Variants in SYT9 observed in about 807,000 individuals in gnomAD.
SYT9 encodes synaptotagmin-9.
SYT9 carries 22 observed loss-of-function variants against 48.4 expected under a neutral mutation model. The observed-to-expected ratio is 0.45, with a 90% confidence interval of 0.32 to 0.65. The LOEUF is 0.65. Among genes scored for constraint, SYT9 ranks in the 30% least tolerant of loss-of-function variants. SYT9 has a pLI of 0.03. For missense variants in SYT9, 577 were observed against 622.0 expected, an observed-to-expected ratio of 0.93 and a Z score of 0.77; for synonymous variants, 265 against 245.0, an observed-to-expected ratio of 1.08 and a Z score of -0.76.
chr11:7,313,900 A>T lies in SYT9; in HGVS notation c.1003A>T (p.Arg335Trp). The T allele has an allele frequency of 6.2e-7, 1 of 1,613,914 alleles. No homozygotes were observed. The highest frequency in any genetic ancestry group is 8.5e-7 in the Non-Finnish European group (1 of 1,179,932). Residue 335 changes from arginine to tryptophan, a missense_variant, in exon 3 of 7, where the codon AGG (arginine) becomes TGG (tryptophan). Arg to Trp is a moderately radical substitution (Grantham distance 101, BLOSUM62 -3). Transcript: ENST00000318881. ...DHFLDLADFP[R>W]ECILWKDIEY... Reference sequence around the variant, plus strand: ...CTTCCTAGACTTGGCTGATTTCCCCAGGGAGTGCATCCTTTGGAAGGATAT... The same window carrying T: ...CTTCCTAGACTTGGCTGATTTCCCCTGGGAGTGCATCCTTTGGAAGGATAT...
At chr11:7,324,561 C>T (rs1849393944) in intron 3 of SYT9, among the ~76,000 whole-genome samples, 1 of 151,664 alleles carries the variant, frequency 6.6e-6, no homozygotes, top group African/African-American at 2.4e-5. Flanking sequence ...AGTGCTTTAG[C>T]TTTATGTTTG....
intron 1 of SYT9, among the ~76,000 whole-genome samples, chr11:7,241,834 G>C (rs149293406): frequency 2.8e-3 from 431 of 152,286 alleles, no homozygotes; most frequent in South Asian, 8.5e-3. Flanking sequence ...GAAAAATCCT[G>C]CCAGATAATT....
intron 2 of SYT9, among the ~76,000 whole-genome samples, chr11:7,312,157 G>T (rs990922682): frequency 3.3e-5 from 5 of 152,170 alleles, no homozygotes; most frequent in Non-Finnish European, 7.3e-5. Context: ...TGGGTGATTA[G>T]TGATTAGGAG....
At chr11:7,392,999 T>C (rs1846666542) in intron 3 of SYT9, among the ~76,000 whole-genome samples, 1 of 152,112 alleles carries the variant, frequency 6.6e-6, no homozygotes, top group African/African-American at 2.4e-5. Flanking sequence ...GAGACTTTGG[T>C]GGAGACTTAA....
chr11:7,431,797 C>T (rs1847578257), intron 6 of SYT9, among the ~76,000 whole-genome samples: 1 of 152,260 alleles, frequency 6.6e-6, no homozygotes, highest in African/African-American at 2.4e-5. Context: ...GGGCAGCTTC[C>T]ATGTGGCATT....
At chr11:7,386,312 T>G (rs1454581120) in intron 3 of SYT9, among the ~76,000 whole-genome samples, 1 of 152,022 alleles carries the variant, frequency 6.6e-6, no homozygotes, top group Non-Finnish European at 1.5e-5. Flanking sequence ...CTAATTAAAC[T>G]AAAGAGCTTC....
At position 7,342,924 on chromosome 11, in the gene SYT9, CTA is replaced by C. The variant is rs574510851; in HGVS notation, c.1044+28985_1044+28986del. On this transcript the variant is annotated intron_variant, in intron 3 of 6. Transcript: ENST00000318881. ...CTTCTGTGCACCCACAGGCTCAACA[CTA>C]TGTGGAAGTTGCCAAGGCTTGGGGA... Among the ~76,000 whole-genome samples, 79 of 152,364 alleles carry C rather than the reference CTA, an allele frequency of 5.2e-4. 1 individual carries two copies. In the East Asian group the frequency reaches 0.015, roughly 28 times the overall value.
chr11:7,358,345 T>A (rs1906344), intron 3 of SYT9, among the ~76,000 whole-genome samples: 215 of 152,226 alleles, frequency 1.4e-3, no homozygotes, highest in Non-Finnish European at 2.5e-3. Flanking sequence ...ATCCAGGAAA[T>A]TTTTATATTT....
intron 6 of SYT9, among the ~76,000 whole-genome samples, chr11:7,432,269 G>A (rs57458314): frequency 0.37 from 55,983 of 151,854 alleles, 10,509 homozygotes; most frequent in Middle Eastern, 0.47. Flanking sequence ...AACAACAATC[G>A]GGCATGGTGG....
At chr11:7,441,841 C>A (rs7938394) in intron 6 of SYT9, 59,875 of 151,870 alleles carry the variant, frequency 0.39, 14,528 homozygotes, top group African/African-American at 0.69. Context: ...TGTGTGGGCC[C>A]AACAGGTTCA....
chr11:7,305,445 A>G (rs1849013803), intron 2 of SYT9, among the ~76,000 whole-genome samples: 1 of 152,188 alleles, frequency 6.6e-6, no homozygotes, highest in African/African-American at 2.4e-5. Flanking sequence ...TCACCACAAT[A>G]AGAGCAGTAC....
intron 2 of SYT9, among the ~76,000 whole-genome samples, chr11:7,309,229 G>T: frequency 6.6e-6 from 1 of 152,288 alleles, no homozygotes; most frequent in East Asian, 1.9e-4. Context: ...GGTGGATGAA[G>T]CTGAGAGTTC....
intron 6 of SYT9, chr11:7,427,151 C>T: frequency 6.6e-6 from 1 of 152,106 alleles, no homozygotes; most frequent in East Asian, 1.9e-4. Context: ...TCCCTTCGTT[C>T]TAAAGTTCCA....
At chr11:7,296,303 A>G (rs1460446646) in intron 1 of SYT9, among the ~76,000 whole-genome samples, 2 of 152,222 alleles carry the variant, frequency 1.3e-5, no homozygotes, top group Admixed American at 6.5e-5. Context: ...CTACTGTGCT[A>G]TGGTGCCTGA....
chr11:7,336,549 T>C (rs1020310943), intron 3 of SYT9, among the ~76,000 whole-genome samples: 3 of 152,206 alleles, frequency 2.0e-5, no homozygotes, highest in African/African-American at 7.2e-5. Flanking sequence ...GTTTCGATCA[T>C]CTTCATATGG....
intron 1 of SYT9, among the ~76,000 whole-genome samples, chr11:7,300,155 C>T (rs183163246): frequency 1.3e-5 from 2 of 151,654 alleles, no homozygotes; most frequent in African/African-American, 4.8e-5. Flanking sequence ...CCTTCAAAAT[C>T]CTAGTGACTT....
chr11:7,466,373 G>T (rs12364151), intron 6 of SYT9, among the ~76,000 whole-genome samples: 14,091 of 152,016 alleles, frequency 0.093, 684 homozygotes, highest in East Asian at 0.19. Context: ...CTACTTATGG[G>T]CTTAGTATCC....
intron 6 of SYT9, among the ~76,000 whole-genome samples, chr11:7,458,209 G>A (rs901888177): frequency 1.3e-5 from 2 of 152,154 alleles, no homozygotes; most frequent in Non-Finnish European, 2.9e-5. Context: ...GGCCGGGTGC[G>A]GTGGCGCACA....
At chr11:7,350,084 G>C (rs1849883253) in intron 3 of SYT9, among the ~76,000 whole-genome samples, 1 of 152,208 alleles carries the variant, frequency 6.6e-6, no homozygotes, top group South Asian at 2.1e-4. Context: ...TTGCTGAATA[G>C]ATGATACATC....
Sources: gnomAD v4.1 joint callset for allele counts (sites outside exome capture counted in the v4.1 genomes callset) on GRCh38, gnomAD v4.1.1 for gene constraint, MANE v1.5 for transcripts, NCBI Gene and HGNC (gene_info 2026-07-23, HGNC 2026-07-21) for gene names.